The following FHL2 variants were observed in gnomAD, a reference collection of about 807,000 sequenced individuals.
The protein encoded by FHL2 is four and a half LIM domains protein 2.
FHL2 carries 20 observed loss-of-function variants against 32.7 expected under a neutral mutation model. The ratio of observed to expected loss-of-function variants is 0.61; its 90% CI spans 0.43 to 0.89. FHL2 has a LOEUF of 0.89. Among genes scored for constraint, FHL2 ranks in the 40% least tolerant of loss-of-function variants. The pLI is 0.00. For missense variants in FHL2, 311 were observed against 358.6 expected (o/e 0.87, Z 1.07); for synonymous variants, 123 against 128.1 (o/e 0.96, Z 0.27).
At chr2:105,375,227 G>T (rs1300109625) in intron 3 of FHL2, 1 of 152,046 alleles carries the variant, frequency 6.6e-6, no homozygotes, top group Non-Finnish European at 1.5e-5. Flanking sequence ...CTAGTTATTT[G>T]ATTTAGTGAT....
chr2:105,425,932 C>T (rs993763599), intron 1 of FHL2, among the ~76,000 whole-genome samples: 4 of 152,106 alleles, frequency 2.6e-5, no homozygotes, highest in Admixed American at 6.5e-5. Flanking sequence ...GTGTGCTGAG[C>T]GCCGGTCCCC....
chr2:105,427,137 T>C (rs1435498347), intron 1 of FHL2, among the ~76,000 whole-genome samples: 1 of 152,060 alleles, frequency 6.6e-6, no homozygotes, highest in Non-Finnish European at 1.5e-5. Context: ...AGCAGGGGAC[T>C]GCAAATTTTG....
intron 3 of FHL2, among the ~76,000 whole-genome samples, chr2:105,385,105 G>A (rs148123827): frequency 1.1e-4 from 17 of 152,262 alleles, no homozygotes; most frequent in African/African-American, 2.4e-4. Flanking sequence ...GTTGAGTTTC[G>A]TTTCTTTTAC....
At chr2:105,387,267 G>A (rs1464550391) in intron 2 of FHL2, among the ~76,000 whole-genome samples, 8 of 152,098 alleles carry the variant, frequency 5.3e-5, no homozygotes, top group South Asian at 2.1e-4. Flanking sequence ...AAGATTTTCC[G>A]TGAGCTCCTC....
intron 1 of FHL2, among the ~76,000 whole-genome samples, chr2:105,423,028 A>G (rs769700139): frequency 9.2e-5 from 14 of 152,158 alleles, no homozygotes; most frequent in Non-Finnish European, 2.1e-4. Context: ...CATAGTGGAA[A>G]GCAAGCTGAG....
intron 1 of FHL2, among the ~76,000 whole-genome samples, chr2:105,431,596 A>G (rs1046704207): frequency 1.3e-5 from 2 of 152,228 alleles, no homozygotes; most frequent in Admixed American, 1.3e-4. Flanking sequence ...CAGAGAGAGA[A>G]GGAAGAGATG....
At chr2:105,388,254 C>G (rs1682463281) in intron 2 of FHL2, among the ~76,000 whole-genome samples, 1 of 152,064 alleles carries the variant, frequency 6.6e-6, no homozygotes, top group African/African-American at 2.4e-5. Context: ...TACCCCGAAC[C>G]TAAAATAAAA....
chr2:105,416,461 A>G (rs1250579571), intron 1 of FHL2, among the ~76,000 whole-genome samples: 1 of 152,222 alleles, frequency 6.6e-6, no homozygotes, highest in Non-Finnish European at 1.5e-5. Context: ...TCAGATCATC[A>G]TCTCTCTCTA....
At chr2:105,411,779 G>A (rs568256443) in intron 1 of FHL2, among the ~76,000 whole-genome samples, 13 of 151,124 alleles carry the variant, frequency 8.6e-5, no homozygotes, top group Non-Finnish European at 1.8e-4. Flanking sequence ...CCGAGATCAC[G>A]CCAGTGCACT....
intron 5 of FHL2, among the ~76,000 whole-genome samples, chr2:105,363,744 G>T (rs1387680683): frequency 6.6e-6 from 1 of 152,170 alleles, no homozygotes; most frequent in Non-Finnish European, 1.5e-5. Flanking sequence ...AAGGCATAGG[G>T]TGCCTCAGTG....
intron 5 of FHL2, among the ~76,000 whole-genome samples, chr2:105,363,716 C>CA (rs1301271942): frequency 2.6e-5 from 4 of 152,194 alleles, no homozygotes; most frequent in Non-Finnish European, 5.9e-5. Flanking sequence ...CAGCCCTTCC[C>CA]AGGGATGCTG....
intron 5 of FHL2, among the ~76,000 whole-genome samples, chr2:105,364,549 T>G (rs571271303): frequency 6.6e-6 from 1 of 152,334 alleles, no homozygotes; most frequent in South Asian, 2.1e-4. Context: ...TTACCTGATA[T>G]TTTTCTCCAA....
rs972000659 is a variant in FHL2 at position 105,415,360 on chromosome 2, T to C, written c.-25+23039A>G. On this transcript the variant is annotated intron_variant, in intron 1 of 5. Coordinates refer to the FHL2 transcript ENST00000393352. ...ACAAGGAGTTGGCAATAGTAGTTGC[T>C]TCTGGGGAGAACTAAGGAAGAGAAT... 3.9e-5 allele frequency among the ~76,000 whole-genome samples: 6 copies of C among 152,252 alleles called. No individual in the cohort carries two copies. In the South Asian group the frequency reaches 8.3e-4, roughly 21 times the overall value.
At chr2:105,399,437 G>A, upstream of FHL2, 1 of 1,536,194 alleles carries the variant, frequency 6.5e-7, no homozygotes, top group Non-Finnish European at 8.7e-7. Context: ...GGAGGGAGGA[G>A]GGGGTCACTT....
At chr2:105,381,913 G>A (rs1681924441) in intron 3 of FHL2, among the ~76,000 whole-genome samples, 1 of 152,126 alleles carries the variant, frequency 6.6e-6, no homozygotes, top group East Asian at 1.9e-4. Flanking sequence ...AGCGAGGGAG[G>A]CCTGTGTTAC....
chr2:105,433,509 G>A (rs536019845), intron 1 of FHL2, among the ~76,000 whole-genome samples: 3 of 152,138 alleles, frequency 2.0e-5, no homozygotes, highest in African/African-American at 4.8e-5. Flanking sequence ...TCCTTTCTCC[G>A]TTGTGGAGAC....
chr2:105,413,947 T>C (rs991477877), intron 1 of FHL2, among the ~76,000 whole-genome samples: 4 of 152,134 alleles, frequency 2.6e-5, no homozygotes, highest in African/African-American at 9.7e-5. Context: ...TGGAGTTAGA[T>C]CCCACAGGAT....
chr2:105,381,719 C>T lies in FHL2; in HGVS notation c.156+4642G>A, dbSNP rs1453124753. On this transcript the variant is annotated intron_variant, in intron 3 of 6. Transcript: ENST00000530340. ...TTAGGAGGAAATCCAAATAAATACG[C>T]GTTTTCAGTGCTCGTTACAAACTCT... is the stretch of plus-strand genomic sequence containing the variant. 3.9e-5 allele frequency among the ~76,000 whole-genome samples: 6 copies of T among 152,110 alleles called. No individual in the cohort carries two copies. The East Asian group carries it at 1.2e-3, about 29-fold the overall frequency.
chr2:105,374,629 G>GTT (rs1681335041), intron 3 of FHL2: 1 of 152,036 alleles, frequency 6.6e-6, no homozygotes, highest in Non-Finnish European at 1.5e-5. Flanking sequence ...AAAAGATGAG[G>GTT]GAGAGAAAGG....
Sources: gnomAD v4.1 joint callset for allele counts (sites outside exome capture counted in the v4.1 genomes callset) on GRCh38, gnomAD v4.1.1 for gene constraint, MANE v1.5 for transcripts, NCBI Gene and HGNC (gene_info 2026-07-23, HGNC 2026-07-21) for gene names.